The following GUCY1A2 variants were observed in gnomAD, a reference collection of about 807,000 sequenced individuals.
GUCY1A2 encodes the protein guanylate cyclase 1 soluble subunit alpha 2, also known as guanylate cyclase soluble subunit alpha-2.
A neutral mutation model predicts 63.5 loss-of-function variants in GUCY1A2; 27 were observed. The ratio of observed to expected loss-of-function variants is 0.43; its 90% confidence interval spans 0.31 to 0.59. The LOEUF is 0.59. Ranked by LOEUF, GUCY1A2 falls within the 20% of genes least tolerant of loss-of-function variation. GUCY1A2 has a pLI of 0.11. For missense variants in GUCY1A2, 768 were observed against 913.3 expected (o/e 0.84, Z 2.05); for synonymous variants, 364 against 343.5 (o/e 1.06, Z -0.66).
intron 4 of GUCY1A2, among the ~76,000 whole-genome samples, chr11:106,816,590 G>A (rs1858835256): frequency 6.7e-6 from 1 of 150,264 alleles, no homozygotes; most frequent in Admixed American, 6.6e-5. Flanking sequence ...CAGAAGGGAG[G>A]AAACAAAAAC....
At chr11:106,986,172 A>G (rs1251806440) in intron 1 of GUCY1A2, 41 bp from the exon 2 acceptor site, 11 of 958,854 alleles carry the variant, frequency 1.1e-5, no homozygotes, top group Non-Finnish European at 1.7e-5. Flanking sequence ...TTATCAGCAA[A>G]TCAGTACCAT....
chr11:106,888,914 C>T (rs1859937806), intron 4 of GUCY1A2, among the ~76,000 whole-genome samples: 1 of 151,760 alleles, frequency 6.6e-6, no homozygotes. Flanking sequence ...ATAGATAATA[C>T]AAAATGGCTA....
chr11:106,959,536 C>T (rs1282829123), intron 3 of GUCY1A2, among the ~76,000 whole-genome samples: 1 of 152,210 alleles, frequency 6.6e-6, no homozygotes, highest in Admixed American at 6.5e-5. Context: ...TAGCTGTCAG[C>T]TCTCAACTGA....
At chr11:106,733,708 C>G (rs200126769) in intron 6 of GUCY1A2, among the ~76,000 whole-genome samples, 3 of 151,546 alleles carry the variant, frequency 2.0e-5, no homozygotes, top group Admixed American at 6.6e-5. Context: ...GCCAGGGGAA[C>G]TGATTGGAAC....
At chr11:106,766,899 G>A (rs532162705) in intron 6 of GUCY1A2, among the ~76,000 whole-genome samples, 1 of 152,146 alleles carries the variant, frequency 6.6e-6, no homozygotes, top group Non-Finnish European at 1.5e-5. Flanking sequence ...ATGGGTTGAT[G>A]AAATCACATT....
intron 6 of GUCY1A2, among the ~76,000 whole-genome samples, chr11:106,736,406 G>A (rs1322202466): frequency 6.6e-6 from 1 of 152,106 alleles, no homozygotes; most frequent in Non-Finnish European, 1.5e-5. Context: ...CTCAATGCAT[G>A]TTCTTGGCAC....
intron 7 of GUCY1A2, among the ~76,000 whole-genome samples, chr11:106,698,139 A>T (rs865865012): frequency 0.069 from 2,629 of 38,216 alleles, 59 homozygotes; most frequent in Non-Finnish European, 0.093. Context: ...TTTTTTTTTT[A>T]GACAGGGTCT....
chr11:106,917,582 G>A (rs1860384411), intron 4 of GUCY1A2, among the ~76,000 whole-genome samples: 3 of 144,458 alleles, frequency 2.1e-5, no homozygotes, highest in Admixed American at 6.9e-5. Context: ...AGAAAATGTG[G>A]CACATATACA....
chr11:106,982,790 T>G (rs886239209), intron 2 of GUCY1A2, among the ~76,000 whole-genome samples: 5 of 150,590 alleles, frequency 3.3e-5, no homozygotes, highest in African/African-American at 9.8e-5. Context: ...TGAAATGGAG[T>G]GAAAAAAAGG....
Position 106,680,905 on chromosome 11 carries a change from T to C in GUCY1A2, c.*6644A>G, listed in dbSNP as rs911192398. Reference sequence around the variant, plus strand: ...TGCTTAGGAATGAATCCTAAGCTTATATGCTAAATCATAATCTGATGTTTA... The same window carrying C: ...TGCTTAGGAATGAATCCTAAGCTTACATGCTAAATCATAATCTGATGTTTA... On this transcript the variant is annotated 3_prime_UTR_variant, in exon 8 of 8. Coordinates refer to ENST00000526355, the MANE Select transcript of GUCY1A2 (RefSeq NM_000855.3). 4.9e-6 allele frequency: 1 copy of C among 203,636 alleles called. No homozygotes were observed. 12.6% of individuals were successfully genotyped at this position (203,636 alleles called of 1,614,324 possible). A position where few individuals can be genotyped will look rare whatever the true frequency, so the allele number is the denominator to read the frequency against.
intron 6 of GUCY1A2, among the ~76,000 whole-genome samples, chr11:106,746,385 T>C (rs1341282283): frequency 2.6e-5 from 4 of 152,138 alleles, no homozygotes; most frequent in Non-Finnish European, 4.4e-5. Context: ...TAAATAATAT[T>C]TGGGACAAAG....
chr11:106,972,383 G>A (rs1350627277), intron 3 of GUCY1A2, among the ~76,000 whole-genome samples: 2 of 151,708 alleles, frequency 1.3e-5, no homozygotes, highest in East Asian at 3.9e-4. Flanking sequence ...AAACTTAAAG[G>A]GAAACGAAAA....
At chr11:107,003,793 TTC>T (rs1483943559) in intron 1 of GUCY1A2, among the ~76,000 whole-genome samples, 1 of 152,166 alleles carries the variant, frequency 6.6e-6, no homozygotes, top group Non-Finnish European at 1.5e-5. Context: ...ACGAGTTGGG[TTC>T]TCCAGGAAGC....
At chr11:106,931,862 T>C (rs1276240611) in intron 4 of GUCY1A2, among the ~76,000 whole-genome samples, 1 of 152,102 alleles carries the variant, frequency 6.6e-6, no homozygotes, top group Admixed American at 6.5e-5. Context: ...GGGTAAACTT[T>C]TGGGGGTGAT....
intron 7 of GUCY1A2, among the ~76,000 whole-genome samples, chr11:106,706,173 T>TTTATAATAATCA (rs1403893271): frequency 6.6e-6 from 1 of 152,172 alleles, no homozygotes; most frequent in Non-Finnish European, 1.5e-5. Context: ...ACTTCCAAAG[T>TTTATAATAATCA]TTATAATAAT....
At chr11:106,700,024 C>T (rs898300874) in intron 7 of GUCY1A2, among the ~76,000 whole-genome samples, 1 of 152,014 alleles carries the variant, frequency 6.6e-6, no homozygotes, top group African/African-American at 2.4e-5. Flanking sequence ...ACTTCGTGAT[C>T]CGCCCGCCTC....
At chr11:106,966,859 CG>C (rs776080780) in intron 3 of GUCY1A2, among the ~76,000 whole-genome samples, 3 of 151,896 alleles carry the variant, frequency 2.0e-5, no homozygotes, top group Non-Finnish European at 4.4e-5. Context: ...GAAGTAAACA[CG>C]TTTGGCAGAT....
intron 4 of GUCY1A2, among the ~76,000 whole-genome samples, chr11:106,891,576 A>G (rs1027647102): frequency 6.6e-6 from 1 of 152,040 alleles, no homozygotes. Context: ...TCTATGATCC[A>G]TCTTGAATTA....
chr11:106,739,307 A>G (rs1303754933), intron 6 of GUCY1A2, among the ~76,000 whole-genome samples: 3 of 152,066 alleles, frequency 2.0e-5, no homozygotes, highest in Non-Finnish European at 4.4e-5. Context: ...GACAATTGTA[A>G]ATATACAATC....
Sources: gnomAD v4.1 joint callset for allele counts (sites outside exome capture counted in the v4.1 genomes callset) on GRCh38, gnomAD v4.1.1 for gene constraint, MANE v1.5 for transcripts, NCBI Gene and HGNC (gene_info 2026-07-23, HGNC 2026-07-21) for gene names.